The following RNF2 variants were observed in gnomAD, a reference collection of about 807,000 sequenced individuals.
RNF2 encodes the protein E3 ubiquitin-protein ligase RING2.
RNF2 carries 6 observed loss-of-function variants against 37.2 expected under a neutral mutation model. The ratio of observed to expected loss-of-function variants is 0.16; its 90% confidence interval spans 0.09 to 0.32. The LOEUF is 0.32. RNF2 is among the 10% of genes least tolerant of loss of function. The pLI is 1.00. For missense variants in RNF2, 251 were observed against 404.0 expected (o/e 0.62, Z 3.25); for synonymous variants, 133 against 132.7 (o/e 1.00, Z -0.02).
At chr1:185,098,627 T>C (rs1372821241) in intron 5 of RNF2, among the ~76,000 whole-genome samples, 1 of 152,248 alleles carries the variant, frequency 6.6e-6, no homozygotes, top group Admixed American at 6.5e-5. Context: ...CTAAAACTCA[T>C]GCTGGCAAGA....
rs374963714 is a variant in RNF2, at chr1:185,084,599, A to G, written c.-2-2953A>G. The stretch of plus-strand genomic sequence containing the variant: ...CATGCTGGTCACAAAAGGCCATTGC[A>G]TATTTGGTACTTTTTTTCCTTTCCT... On this transcript the variant is annotated intron_variant, in intron 1 of 6. Transcript: ENST00000367510. Among the ~76,000 whole-genome samples the G allele has an allele frequency of 1.1e-4, 16 of 152,286 alleles. No individual in the cohort carries two copies. In the Middle Eastern group the frequency reaches 0.01, roughly 97 times the overall value.
chr1:185,065,710 T>G (rs1309629833), intron 1 of RNF2, among the ~76,000 whole-genome samples: 1 of 152,202 alleles, frequency 6.6e-6, no homozygotes, highest in Non-Finnish European at 1.5e-5. Context: ...ACACCATCTT[T>G]AAGAGCTGTA....
At chr1:185,100,168 T>C in intron 6 of RNF2, 32 bp from the exon 7 acceptor site, 1 of 1,502,436 alleles carries the variant, frequency 6.7e-7, no homozygotes, top group Non-Finnish European at 9.1e-7. Context: ...TTTGTGCAGT[T>C]TTCATAATTT....
At chr1:185,070,804 A>G (rs1012645093) in intron 1 of RNF2, among the ~76,000 whole-genome samples, 1 of 151,556 alleles carries the variant, frequency 6.6e-6, no homozygotes, top group Non-Finnish European at 1.5e-5. Flanking sequence ...TCGCCGGCTC[A>G]TTTTTTTATT....
chr1:185,063,812 A>C (rs1055995533), intron 1 of RNF2, among the ~76,000 whole-genome samples: 7 of 152,156 alleles, frequency 4.6e-5, no homozygotes, highest in Admixed American at 1.3e-4. Context: ...TCTTCAGGCC[A>C]GCTTCCCAGT....
At chr1:185,086,951 A>G (rs1303565316) in intron 1 of RNF2, among the ~76,000 whole-genome samples, 1 of 152,168 alleles carries the variant, frequency 6.6e-6, no homozygotes, top group Non-Finnish European at 1.5e-5. Flanking sequence ...GTAATTAAGC[A>G]CTTTTGATAT....
Position 185,099,978 on chromosome 1 carries a change from A to C in RNF2, c.909+16A>C. ...CCAGTTCACTGTGAGTATTTAAAAT[A>C]ATAGACTGTTGAAACTGGGAGCACA... On this transcript the variant is annotated intron_variant, in intron 6 of 6. Transcript: ENST00000367510. 6.3e-7 allele frequency: 1 copy of C among 1,599,070 alleles called. No individual in the cohort carries two copies. The highest frequency in any genetic ancestry group is 8.6e-7 in the Non-Finnish European group (1 of 1,168,964).
At chr1:185,051,230 T>G (rs192399389) in intron 1 of RNF2, among the ~76,000 whole-genome samples, 1 of 152,306 alleles carries the variant, frequency 6.6e-6, no homozygotes, top group Non-Finnish European at 1.5e-5. Flanking sequence ...TCTTATTCAG[T>G]CTGGGACGGC....
At position 185,081,148 on chromosome 1, in the gene RNF2, A is replaced by G. The variant is rs530602285; in HGVS notation, c.-2-6404A>G. ...AACTAGGCTCAAACACATCTTTATT[A>G]ATCAAAATAGGAACCATTACAGTCA... On this transcript the variant is annotated intron_variant, in intron 1 of 6. Coordinates refer to ENST00000367510, the MANE Select transcript of RNF2 (RefSeq NM_007212.4). Among the ~76,000 whole-genome samples, 41 of 152,342 alleles carry G rather than the reference A, an allele frequency of 2.7e-4. 2 individuals are homozygous for G. In the South Asian group the frequency reaches 7.4e-3, roughly 28 times the overall value.
chr1:185,077,273 T>C (rs1651195424), intron 1 of RNF2, among the ~76,000 whole-genome samples: 1 of 152,206 alleles, frequency 6.6e-6, no homozygotes, highest in East Asian at 1.9e-4. Flanking sequence ...CCTTTTCCCA[T>C]GTTCCTCTCC....
intron 1 of RNF2, chr1:185,046,428 T>C (rs901546862): frequency 6.6e-6 from 1 of 152,210 alleles, no homozygotes. Flanking sequence ...CACGTCCTGC[T>C]GGTCAGAATC....
At chr1:185,059,826 T>A (rs1650548559) in intron 1 of RNF2, among the ~76,000 whole-genome samples, 2 of 152,240 alleles carry the variant, frequency 1.3e-5, no homozygotes, top group Admixed American at 1.3e-4. Flanking sequence ...AGCTGGTTTT[T>A]GAATGGGTTA....
At chr1:185,071,441 T>C (rs1454389725) in intron 1 of RNF2, 1 of 152,236 alleles carries the variant, frequency 6.6e-6, no homozygotes, top group Non-Finnish European at 1.5e-5. Flanking sequence ...GTCTTGGTTG[T>C]GAAATTACAG....
chr1:185,059,932 C>G (rs902730616), intron 1 of RNF2, among the ~76,000 whole-genome samples: 2 of 152,108 alleles, frequency 1.3e-5, no homozygotes, highest in Non-Finnish European at 1.5e-5. Context: ...TCTACCTGAC[C>G]ACAGATTTAA....
In RNF2 at chr1:185,101,261, C is replaced by G. The variant is rs1303433973; in HGVS notation, c.*960C>G. 2.6e-5 allele frequency: 4 copies of G among 152,452 alleles called. No individual in the cohort carries two copies. Among genetic ancestry groups the G allele is most frequent in the Admixed American group, 6.6e-5 (1 of 15,260 alleles). The allele number at this position is 152,452 out of a possible 1,614,324, so 9.4% of individuals were successfully genotyped here. ...TAAGTTTCAAGAATAACATGGCACA[C>G]AGAACAATGGAAAAAAGTTTGTTTC... is the stretch of plus-strand genomic sequence containing the variant. On this transcript the variant is annotated 3_prime_UTR_variant, in exon 7 of 7. Coordinates refer to ENST00000367510, the MANE Select transcript of RNF2 (RefSeq NM_007212.4).
intron 2 of RNF2, among the ~76,000 whole-genome samples, chr1:185,089,212 C>G (rs1651694098): frequency 6.6e-6 from 1 of 152,182 alleles, no homozygotes; most frequent in African/African-American, 2.4e-5. Flanking sequence ...ACTGATCTGA[C>G]AGGAGGCAGA....
rs1031734230 is a variant in RNF2 at position 185,061,220 on chromosome 1, C to T, written c.-3+15571C>T. 4.0e-5 allele frequency among the ~76,000 whole-genome samples: 6 copies of T among 151,014 alleles called. No homozygotes were observed. In the South Asian group the frequency reaches 6.3e-4, roughly 16 times the overall value. On this transcript the variant is annotated intron_variant, in intron 1 of 6. Coordinates refer to ENST00000367510, the MANE Select transcript of RNF2 (RefSeq NM_007212.4). ...TCGGCTCACTGCAAGCTCTGCCTCC[C>T]GGGTTCACGCCATTCTCCTGCCTCA...
At chr1:185,096,960 A>C (rs375527799) in intron 4 of RNF2, among the ~76,000 whole-genome samples, 15 of 150,496 alleles carry the variant, frequency 1.0e-4, no homozygotes, top group African/African-American at 3.4e-4. Context: ...ATTCTTTCAT[A>C]TTTCTTTTTC....
chr1:185,094,276 G>T (rs1403617277), intron 4 of RNF2, among the ~76,000 whole-genome samples: 1 of 152,016 alleles, frequency 6.6e-6, no homozygotes. Flanking sequence ...TTGAGTAGCT[G>T]GGAGTACAGG....
Sources: gnomAD v4.1 joint callset for allele counts (sites outside exome capture counted in the v4.1 genomes callset) on GRCh38, gnomAD v4.1.1 for gene constraint, MANE v1.5 for transcripts, NCBI Gene and HGNC (gene_info 2026-07-23, HGNC 2026-07-21) for gene names.